The following VIPAS39 variants were observed in gnomAD, a reference collection of about 807,000 sequenced individuals.
The protein encoded by VIPAS39 is spermatogenesis-defective protein 39 homolog.
Under a neutral mutation model 84.7 loss-of-function variants are expected in VIPAS39, and 63 were observed. The observed-to-expected ratio is 0.74, with a 90% CI of 0.61 to 0.92. The LOEUF (loss-of-function observed/expected upper bound fraction) is 0.92, where lower values mean the gene tolerates loss of function less well. Ranked by LOEUF, VIPAS39 falls within the 40% of genes least tolerant of loss-of-function variation. The pLI, the probability that VIPAS39 is intolerant of heterozygous loss-of-function variation, is 0.00. For missense variants in VIPAS39, 499 were observed against 604.5 expected, an observed-to-expected ratio of 0.83 and a Z score of 1.83; for synonymous variants, 192 against 216.5, an observed-to-expected ratio of 0.89 and a Z score of 0.99.
At chr14:77,437,645 G>T (rs1022756176) in intron 12 of VIPAS39, among the ~76,000 whole-genome samples, 163 bp downstream of exon 12, 1 of 151,966 alleles carries the variant, frequency 6.6e-6, no homozygotes, top group Admixed American at 6.6e-5. Flanking sequence ...CTCTGCTGGG[G>T]ACTAGTGTGT....
chr14:77,437,484 G>A (rs761790246), intron 12 of VIPAS39, among the ~76,000 whole-genome samples: 1 of 152,088 alleles, frequency 6.6e-6, no homozygotes, highest in Non-Finnish European at 1.5e-5. Flanking sequence ...AAAAGGTACA[G>A]CTCATTTTAG....
intron 15 of VIPAS39, 25 bp from the exon 16 acceptor site, chr14:77,433,956 T>C (rs367944244): frequency 5.6e-6 from 9 of 1,610,230 alleles, no homozygotes; most frequent in Non-Finnish European, 7.6e-6. Flanking sequence ...CCGAGAAAAA[T>C]TAAGGGGAAG....
intron 11 of VIPAS39, among the ~76,000 whole-genome samples, chr14:77,438,908 AATAAC>A (rs1251892229): frequency 2.0e-5 from 3 of 152,258 alleles, no homozygotes; most frequent in Non-Finnish European, 4.4e-5. Context: ...TAAAAATGTA[AATAAC>A]ATAAGACAGA....
intron 10 of VIPAS39, 165 bp from the exon 11 acceptor site, chr14:77,441,258 G>T: frequency 1.3e-6 from 1 of 741,160 alleles, no homozygotes; most frequent in Non-Finnish European, 2.3e-6. Flanking sequence ...TGGTCTCTCT[G>T]GCTGAACAAA....
intron 16 of VIPAS39, among the ~76,000 whole-genome samples, chr14:77,433,448 G>A (rs10129713): frequency 6.6e-6 from 1 of 152,122 alleles, no homozygotes; most frequent in South Asian, 2.1e-4. Flanking sequence ...TGATCCACCC[G>A]CCTCGGCCTC....
At chr14:77,448,413 G>T in intron 7 of VIPAS39, 81 bp downstream of exon 7, 1 of 1,349,624 alleles carries the variant, frequency 7.4e-7, no homozygotes, top group South Asian at 1.2e-5. Flanking sequence ...AATGAGAACT[G>T]AAGAGAGGTC....
At chr14:77,428,521 A>G (rs2139727865) in intron 18 of VIPAS39, 47 bp from the exon 19 acceptor site, 1 of 1,580,986 alleles carries the variant, frequency 6.3e-7, no homozygotes, top group African/African-American at 1.3e-5. Context: ...GCCTCTGTAC[A>G]GGGTTCTTTT....
At chr14:77,442,701 G>A (rs1277017139) in intron 9 of VIPAS39, 39 bp from the exon 10 acceptor site, 1 of 1,580,270 alleles carries the variant, frequency 6.3e-7, no homozygotes, top group Admixed American at 1.7e-5. Flanking sequence ...AAAGATTAAA[G>A]CCAATTAGTC....
rs140755302 is a variant in VIPAS39, at chr14:77,428,692, T to C, written c.1357-218A>G. On this transcript the variant is annotated intron_variant, in intron 18 of 19. Transcript: ENST00000557658. ...CGCTCAAGGAGAGGCTAAGAGGCTA[T>C]AGTGGGATAACAGTGGGGTCCAGTG... Among the ~76,000 whole-genome samples the C allele has an allele frequency of 7.0e-3, 1,060 of 152,296 alleles. 19 individuals are homozygous for C. The highest frequency in any genetic ancestry group is 0.037 in the South Asian group (176 of 4,820).
intron 7 of VIPAS39, among the ~76,000 whole-genome samples, chr14:77,444,753 A>T (rs984097310): frequency 6.7e-6 from 1 of 150,054 alleles, no homozygotes; most frequent in Non-Finnish European, 1.5e-5. Flanking sequence ...TTTTTTAGTA[A>T]TTTAATTTTT....
Position 77,444,238 on chromosome 14 carries a change from C to T in VIPAS39, c.597+11G>A, listed in dbSNP as rs146541037. Reference sequence around the variant, plus strand: ...ATAATTAAACAAACAACAACAAATCCGACAACTCACTGCAGTAATGACGTT... The same window carrying T: ...ATAATTAAACAAACAACAACAAATCTGACAACTCACTGCAGTAATGACGTT... On this transcript the variant is annotated intron_variant, in intron 8 of 19. Transcript: ENST00000557658. The T allele has an allele frequency of 1.4e-4, 229 of 1,611,292 alleles. 2 individuals are homozygous for T. In the East Asian group the frequency reaches 4.2e-3, roughly 29 times the overall value.
At chr14:77,445,623 T>C (rs139317070) in intron 7 of VIPAS39, among the ~76,000 whole-genome samples, 2,540 of 152,196 alleles carry the variant, frequency 0.017, 38 homozygotes, top group Non-Finnish European at 0.024. Context: ...TCTTGCTATA[T>C]TGCCAGGTTT....
rs1039373868 is a variant in VIPAS39, at chr14:77,435,996, A to G, written c.837-77T>C. The G allele has an allele frequency of 9.5e-6, 14 of 1,466,744 alleles. No homozygotes were observed. The African/African-American group carries it at 1.4e-4, about 15-fold the overall frequency. The allele number at this position is 1,466,744 out of a possible 1,614,324, so 90.9% of individuals were successfully genotyped here. ...AACCCAACTAAACCAAATCGCCAGC[A>G]TAAGTATAAGAGGCTCACGGTGCCT... On this transcript the variant is annotated intron_variant, in intron 12 of 19. Coordinates refer to ENST00000557658, the MANE Select transcript of VIPAS39 (RefSeq NM_001193315.2).
chr14:77,431,117 A>G (rs941933068), intron 16 of VIPAS39, among the ~76,000 whole-genome samples: 9 of 152,348 alleles, frequency 5.9e-5, no homozygotes, highest in African/African-American at 1.9e-4. Context: ...GCTCCTTGAC[A>G]TTGGCCTTGG....
At chr14:77,433,792 G>C (rs1476764742) in intron 16 of VIPAS39, 50 bp downstream of exon 16, 5 of 1,578,338 alleles carry the variant, frequency 3.2e-6, no homozygotes, top group Non-Finnish European at 4.4e-6. Flanking sequence ...TAACATGATA[G>C]AACCCTTCTG....
chr14:77,429,545 T>C, intron 17 of VIPAS39, 136 bp downstream of exon 17: 3 of 903,362 alleles, frequency 3.3e-6, no homozygotes, highest in Non-Finnish European at 3.7e-6. Flanking sequence ...TTTTCTGTCT[T>C]GAGGCCTATT....
At chr14:77,443,872 C>CAA (rs11341918) in intron 8 of VIPAS39, among the ~76,000 whole-genome samples, 2 of 102,364 alleles carry the variant, frequency 2.0e-5, no homozygotes, top group African/African-American at 7.3e-5. Flanking sequence ...GACTCCATCT[C>CAA]AAAAAAAAAA....
intron 14 of VIPAS39, among the ~76,000 whole-genome samples, chr14:77,434,678 G>A (rs1173761078): frequency 1.3e-5 from 2 of 151,768 alleles, no homozygotes; most frequent in Non-Finnish European, 2.9e-5. Context: ...GGATCACGAG[G>A]TCAGGAGTTC....
Position 77,433,862 on chromosome 14 carries a change from C to T in VIPAS39, c.1159G>A (p.Asp387Asn), listed in dbSNP as rs1276502666. The change falls in exon 16 of 20, where the codon GAT (aspartate) becomes AAT (asparagine). Residue 387 changes from aspartate (D) to asparagine (N), a missense_variant. By Grantham distance (23) the Asp-to-Asn change is conservative. Transcript: ENST00000557658. ...RAKLRAWNDVDALFTTKNWLG... is the reference protein window; with the variant it reads ...RAKLRAWNDVNALFTTKNWLG... ...CACACCTTTGTGGTGAATAGGGCAT[C>T]TACATCATTCCAGGCTCGAAGCTTG... 5 of 1,613,896 alleles carry T rather than the reference C, an allele frequency of 3.1e-6. No homozygotes were observed. Among genetic ancestry groups the T allele is most frequent in the Non-Finnish European group, 3.4e-6 (4 of 1,179,948 alleles).
Sources: allele counts gnomAD v4.1 joint callset (sites outside exome capture counted in the v4.1 genomes callset), GRCh38; gene constraint gnomAD v4.1.1; transcripts MANE v1.5; gene names NCBI Gene and HGNC (gene_info 2026-07-23, HGNC 2026-07-21).